Variants in ANKDD1A observed in about 807,000 individuals in gnomAD.
The protein encoded by ANKDD1A is ankyrin repeat and death domain containing 1A, also known as ankyrin repeat and death domain-containing protein 1A.
ANKDD1A carries 59 observed loss-of-function variants against 63.5 expected under a neutral mutation model. The observed-to-expected ratio is 0.93, with a 90% CI of 0.75 to 1.15. ANKDD1A has a LOEUF of 1.15. ANKDD1A is among the 50% of genes most tolerant of loss of function. The probability of loss-of-function intolerance (pLI) is 0.00; values close to 1 mark genes in which losing one functional copy is unlikely to be tolerated. For missense variants in ANKDD1A, 632 were observed against 656.4 expected (o/e 0.96, Z 0.41); for synonymous variants, 266 against 263.9 (o/e 1.01, Z -0.08).
At chr15:64,925,092 G>T (rs1305962787) in intron 4 of ANKDD1A, among the ~76,000 whole-genome samples, 1 of 152,076 alleles carries the variant, frequency 6.6e-6, no homozygotes, top group East Asian at 1.9e-4. Context: ...GCCGGGCGTG[G>T]TGGTGGCTGC....
intron 5 of ANKDD1A, 69 bp downstream of exon 5, chr15:64,926,239 T>A: frequency 1.4e-6 from 2 of 1,433,614 alleles, no homozygotes; most frequent in Non-Finnish European, 1.9e-6. Flanking sequence ...TCTTGCACAC[T>A]GGGCTTACCA....
intron 14 of ANKDD1A, among the ~76,000 whole-genome samples, chr15:64,955,002 CCTTCTTCTTCCA>C (rs558887779): frequency 1.1e-4 from 16 of 146,752 alleles, no homozygotes; most frequent in Non-Finnish European, 2.4e-4. Flanking sequence ...CTTCCTCTTT[CCTTCTTCTTCCA>C]CTTCTTCTTC....
chr15:64,953,854 C>T (rs1430579517), intron 14 of ANKDD1A, among the ~76,000 whole-genome samples: 35 of 89,584 alleles, frequency 3.9e-4, no homozygotes, highest in Admixed American at 3.3e-3. Flanking sequence ...TTCTTCTTTC[C>T]TCTTCTTCCT....
At chr15:64,922,085 C>A in intron 4 of ANKDD1A, 66 bp downstream of exon 4, 1 of 1,460,898 alleles carries the variant, frequency 6.8e-7, no homozygotes, top group East Asian at 2.3e-5. Context: ...AGGTCTCCCC[C>A]GACCTCTGTC....
intron 3 of ANKDD1A, among the ~76,000 whole-genome samples, chr15:64,918,216 TAGTC>T (rs1283474414): frequency 6.6e-6 from 1 of 152,136 alleles, no homozygotes; most frequent in Non-Finnish European, 1.5e-5. Flanking sequence ...ATACAAAAAT[TAGTC>T]AGTCTCATAA....
At chr15:64,948,060 G>T (rs2085237834) in intron 13 of ANKDD1A, among the ~76,000 whole-genome samples, 2 of 151,894 alleles carry the variant, frequency 1.3e-5, no homozygotes, top group African/African-American at 4.8e-5. Flanking sequence ...AAAAATCTTA[G>T]AATTAATCAA....
At position 64,951,157 on chromosome 15, in the gene ANKDD1A, G is replaced by A. The variant is rs560713112; in HGVS notation, c.1483+1185G>A. ...TTCTACTGAAATGCACAGTCATGCAGAGCCCAGGAGGCAAATGTTTGTACA... is the reference window on the plus strand; with the variant it reads ...TTCTACTGAAATGCACAGTCATGCAAAGCCCAGGAGGCAAATGTTTGTACA... On this transcript the variant is annotated intron_variant, in intron 14 of 14. Transcript: ENST00000319580. The A allele has an allele frequency of 1.4e-5, 15 of 1,104,012 alleles. No individual in the cohort carries two copies. In the African/African-American group the frequency reaches 2.0e-4, roughly 15 times the overall value. 68.4% of individuals were successfully genotyped at this position (1,104,012 alleles called of 1,614,324 possible).
chr15:64,919,516 A>G (rs76814485), intron 3 of ANKDD1A, among the ~76,000 whole-genome samples: 249 of 152,254 alleles, frequency 1.6e-3, no homozygotes, highest in African/African-American at 5.9e-3. Flanking sequence ...TTGAGGCTCT[A>G]TGCGAGATCC....
chr15:64,923,035 G>A (rs145005218), intron 4 of ANKDD1A, among the ~76,000 whole-genome samples: 3 of 152,050 alleles, frequency 2.0e-5, no homozygotes, highest in South Asian at 2.1e-4. Context: ...TTGAAAACTT[G>A]GTTTGTAATA....
intron 14 of ANKDD1A, among the ~76,000 whole-genome samples, chr15:64,951,865 TCTTTTTC>T (rs1325021988): frequency 0.021 from 377 of 17,816 alleles, no homozygotes; most frequent in Middle Eastern, 0.071. Context: ...TTCTTCCTCT[TCTTTTTC>T]TTTCTTCTTT....
At chr15:64,925,540 G>C (rs1411682857) in intron 4 of ANKDD1A, among the ~76,000 whole-genome samples, 1 of 152,120 alleles carries the variant, frequency 6.6e-6, no homozygotes, top group Non-Finnish European at 1.5e-5. Flanking sequence ...CCTAGAAGGT[G>C]AGGAGGTCAC....
At chr15:64,917,538 T>C in intron 3 of ANKDD1A, 24 bp downstream of exon 3, 1 of 1,549,452 alleles carries the variant, frequency 6.5e-7, no homozygotes, top group East Asian at 2.4e-5. Flanking sequence ...TGTCTGTCTG[T>C]CTCAGGGTGG....
chr15:64,955,289 G>C (rs910692074), intron 14 of ANKDD1A, among the ~76,000 whole-genome samples: 1 of 152,160 alleles, frequency 6.6e-6, no homozygotes, highest in African/African-American at 2.4e-5. Flanking sequence ...TCCTGACCTC[G>C]TGATCTTCCC....
chr15:64,926,676 C>G (rs1335234686), intron 5 of ANKDD1A, among the ~76,000 whole-genome samples: 1 of 152,114 alleles, frequency 6.6e-6, no homozygotes, highest in Non-Finnish European at 1.5e-5. Context: ...AAGGAGCCAC[C>G]TCAGGACTTC....
At chr15:64,946,953 T>C (rs963410162) in intron 12 of ANKDD1A, among the ~76,000 whole-genome samples, 3 of 152,180 alleles carry the variant, frequency 2.0e-5, no homozygotes, top group Non-Finnish European at 4.4e-5. Flanking sequence ...CTAGAAAGGA[T>C]TTTGTAATCC....
chr15:64,953,860 TTCC>T (rs2085363330), intron 14 of ANKDD1A, among the ~76,000 whole-genome samples: 1 of 131,856 alleles, frequency 7.6e-6, no homozygotes, highest in Non-Finnish European at 1.7e-5. Flanking sequence ...TTTCCTCTTC[TTCC>T]TCTTTCTTCT....
intron 4 of ANKDD1A, among the ~76,000 whole-genome samples, chr15:64,924,718 C>T (rs2085033205): frequency 6.6e-6 from 1 of 152,212 alleles, no homozygotes; most frequent in African/African-American, 2.4e-5. Context: ...CTCTTCCAAT[C>T]TTGTGATGAT....
At chr15:64,915,284 A>G (rs73471138) in intron 1 of ANKDD1A, among the ~76,000 whole-genome samples, 8,914 of 152,214 alleles carry the variant, frequency 0.059, 594 homozygotes, top group African/African-American at 0.16. Context: ...CAGCCTGGGC[A>G]ACAGAGGGGT....
intron 3 of ANKDD1A, 122 bp from the exon 4 acceptor site, chr15:64,921,799 C>T (rs2085008322): frequency 2.6e-6 from 2 of 775,064 alleles, no homozygotes; most frequent in East Asian, 2.8e-5. Flanking sequence ...TTGGAGCTCC[C>T]TGGATTAAGT....
Sources: gnomAD v4.1 joint callset for allele counts (sites outside exome capture counted in the v4.1 genomes callset) on GRCh38, gnomAD v4.1.1 for gene constraint, MANE v1.5 for transcripts, NCBI Gene and HGNC (gene_info 2026-07-23, HGNC 2026-07-21) for gene names.